NFAT5: variants seen among roughly 807,000 people sequenced by gnomAD.
NFAT5 encodes the protein nuclear factor of activated T-cells 5.
Under a neutral mutation model 166.5 loss-of-function variants are expected in NFAT5, and 31 were observed. That is an observed-to-expected ratio of 0.19 (90% confidence interval 0.14 to 0.25). NFAT5 has a LOEUF of 0.25. Ranked by LOEUF, NFAT5 falls within the 10% of genes least tolerant of loss-of-function variation. The pLI, the probability that NFAT5 is intolerant of heterozygous loss-of-function variation, is 1.00. For synonymous variants in NFAT5, 612 were observed against 639.7 expected, an observed-to-expected ratio of 0.96 and a Z score of 0.65; for missense variants, 1,449 against 1,821.8, an observed-to-expected ratio of 0.80 and a Z score of 3.72.
chr16:69,580,510 G>A (rs992139266), intron 2 of NFAT5, among the ~76,000 whole-genome samples: 12 of 146,546 alleles, frequency 8.2e-5, no homozygotes, highest in Non-Finnish European at 1.8e-4. Context: ...TAGCCTGGGC[G>A]ACAAGAGCGA....
At chr16:69,670,436 A>C in intron 9 of NFAT5, 148 bp downstream of exon 9, 1 of 564,516 alleles carries the variant, frequency 1.8e-6, no homozygotes, top group Non-Finnish European at 3.1e-6. Context: ...GAGTTTCTTT[A>C]ACTGAAATAG....
At chr16:69,574,650 A>C (rs1305130813) in intron 2 of NFAT5, among the ~76,000 whole-genome samples, 2 of 152,166 alleles carry the variant, frequency 1.3e-5, no homozygotes, top group East Asian at 3.9e-4. Context: ...TAGCTTTTGA[A>C]AAATATATAC....
intron 2 of NFAT5, among the ~76,000 whole-genome samples, chr16:69,569,741 A>G (rs1285104377): frequency 6.6e-6 from 1 of 152,192 alleles, no homozygotes; most frequent in Non-Finnish European, 1.5e-5. Flanking sequence ...TATCAGCTAA[A>G]TTTTTTTAAC....
At chr16:69,680,847 C>T (rs2037029749) in intron 10 of NFAT5, among the ~76,000 whole-genome samples, 1 of 152,122 alleles carries the variant, frequency 6.6e-6, no homozygotes, top group East Asian at 1.9e-4. Context: ...GCAACCTCCA[C>T]CTCCCAGGTT....
chr16:69,636,619 T>C (rs1444974235), intron 3 of NFAT5, among the ~76,000 whole-genome samples: 1 of 152,222 alleles, frequency 6.6e-6, no homozygotes, highest in Non-Finnish European at 1.5e-5. Context: ...ACATGGAAGC[T>C]GCCAAGGTTT....
chr16:69,670,203 A>G (rs753203307), intron 8 of NFAT5, 33 bp from the exon 9 acceptor site: 1 of 1,526,766 alleles, frequency 6.5e-7, no homozygotes, highest in Non-Finnish European at 8.7e-7. Context: ...AAATAGTTCA[A>G]AAATTTAATA....
At chr16:69,609,080 C>G (rs1015158478) in intron 2 of NFAT5, among the ~76,000 whole-genome samples, 3 of 151,170 alleles carry the variant, frequency 2.0e-5, no homozygotes, top group African/African-American at 7.3e-5. Flanking sequence ...AAGATCATGC[C>G]ACTGCACTCC....
chr16:69,602,842 C>T (rs969107924), intron 2 of NFAT5, among the ~76,000 whole-genome samples: 56 of 151,440 alleles, frequency 3.7e-4, no homozygotes, highest in African/African-American at 1.3e-3. Flanking sequence ...AACTCCTGAG[C>T]TCAAGCAATC....
At chr16:69,616,668 T>C (rs574816367) in intron 2 of NFAT5, among the ~76,000 whole-genome samples, 1 of 152,180 alleles carries the variant, frequency 6.6e-6, no homozygotes, top group East Asian at 1.9e-4. Flanking sequence ...TGCACAGATA[T>C]TCATATATTC....
chr16:69,624,917 A>AT (rs2034383393), intron 2 of NFAT5, among the ~76,000 whole-genome samples: 1 of 150,968 alleles, frequency 6.6e-6, no homozygotes, highest in Non-Finnish European at 1.5e-5. Context: ...AAAAAAAAAA[A>AT]AGAAGGAGTT....
At chr16:69,607,426 G>T (rs1043308294) in intron 2 of NFAT5, among the ~76,000 whole-genome samples, 2 of 152,120 alleles carry the variant, frequency 1.3e-5, no homozygotes, top group African/African-American at 4.8e-5. Flanking sequence ...CTTGAAATGC[G>T]TCCTAATTAT....
rs757655988 is a variant in NFAT5, at chr16:69,647,250, T to C, written c.476T>C (p.Val159Ala). Residue 159 changes from valine to alanine, a missense_variant, in exon 4 of 15, where the codon GTC becomes GCC. Physicochemically the swap from Val to Ala is moderately conservative, Grantham distance 64. Transcript: ENST00000349945. This position sits in a 1 kb window ranked among gnomAD's most constrained non-coding sequence, Gnocchi z 4.8. ...QHPSTPKRHTVLYISPPPEDL... is the reference protein window; with the variant it reads ...QHPSTPKRHTALYISPPPEDL... The stretch of plus-strand genomic sequence containing the variant: ...CCATCAACACCGAAGAGGCACACAG[T>C]CTTGTACATCTCACCACCACCTGAG... The C allele has an allele frequency of 6.2e-7, 1 of 1,614,122 alleles. No homozygotes were observed. The highest frequency in any genetic ancestry group is 8.5e-7 in the Non-Finnish European group (1 of 1,180,026).
rs777365767 is a variant in NFAT5 at position 69,693,644 on chromosome 16, ACAG to A, written c.3828_3830del (p.Gln1284del). 1.2e-6 allele frequency: 2 copies of A among 1,613,072 alleles called. No homozygotes were observed. The highest frequency in any genetic ancestry group is 2.2e-5 in the South Asian group (2 of 90,968). On this transcript the variant is annotated inframe_deletion, in exon 13 of 15. Transcript: ENST00000349945. ...CCCAGGAACAGCAGCAGCAGCAGCA[ACAG>A]CAGCAGCAACAGCAGCAGCAACAAC... is the stretch of plus-strand genomic sequence containing the variant.
chr16:69,620,120 A>G (rs138403930), intron 2 of NFAT5, among the ~76,000 whole-genome samples: 1 of 152,334 alleles, frequency 6.6e-6, no homozygotes, highest in Non-Finnish European at 1.5e-5. Flanking sequence ...ATTTATTTTC[A>G]ATATCTGAAA....
chr16:69,694,272 G>GTCA (rs768965471), intron 13 of NFAT5, 33 bp downstream of exon 13: 5 of 1,514,046 alleles, frequency 3.3e-6, no homozygotes, highest in African/African-American at 2.8e-5. Context: ...TACTTAATTG[G>GTCA]TCATTATTAT....
intron 10 of NFAT5, among the ~76,000 whole-genome samples, chr16:69,683,753 T>G (rs532958261): frequency 6.6e-6 from 1 of 152,044 alleles, no homozygotes; most frequent in Non-Finnish European, 1.5e-5. Flanking sequence ...GTCAAAAGTT[T>G]GAGACCCAGC....
intron 2 of NFAT5, among the ~76,000 whole-genome samples, chr16:69,589,056 A>G (rs1390437776): frequency 1.5e-5 from 2 of 130,334 alleles, no homozygotes; most frequent in Admixed American, 9.5e-5. Context: ...GTGCAATGGC[A>G]CAATCTTGGC....
chr16:69,618,252 T>G (rs2034048428), intron 2 of NFAT5, among the ~76,000 whole-genome samples: 1 of 152,176 alleles, frequency 6.6e-6, no homozygotes, highest in Non-Finnish European at 1.5e-5. Context: ...TTAAAATTAC[T>G]TTAAAACACT....
In NFAT5 at chr16:69,693,641, G is replaced by A. The variant is rs777901572; in HGVS notation, c.3816G>A (p.Gln1272=). Residue 1272 remains glutamine, a synonymous_variant, in exon 13 of 15, where the codon CAG becomes CAA. Transcript: ENST00000349945. The stretch of plus-strand genomic sequence containing the variant: ...CATCCCAGGAACAGCAGCAGCAGCA[G>A]CAACAGCAGCAGCAACAGCAGCAGC... ...NSPSQEQQQQ[Q]QQQQQQQQQQ... 1.1e-5 allele frequency: 18 copies of A among 1,612,920 alleles called. No individual in the cohort carries two copies. The highest frequency in any genetic ancestry group is 1.0e-4 in the Admixed American group (6 of 59,906).
Sources: gnomAD v4.1 joint callset for allele counts (sites outside exome capture counted in the v4.1 genomes callset) on GRCh38, gnomAD v4.1.1 for gene constraint, Gnocchi (gnomAD v3.1) non-coding constraint, MANE v1.5 for transcripts, NCBI Gene and HGNC (gene_info 2026-07-23, HGNC 2026-07-21) for gene names.